CCNY: variants seen among roughly 807,000 people sequenced by gnomAD.
The protein encoded by CCNY is cyclin-Y.
CCNY carries 19 observed loss-of-function variants against 42.8 expected under a neutral mutation model. The ratio of observed to expected loss-of-function variants is 0.44; its 90% CI spans 0.31 to 0.65. The LOEUF (loss-of-function observed/expected upper bound fraction) is 0.65. CCNY is among the 30% of genes least tolerant of loss of function. The pLI, the probability that CCNY is intolerant of heterozygous loss-of-function variation, is 0.07. For synonymous variants in CCNY, 165 were observed against 162.7 expected (o/e 1.01, Z -0.11); for missense variants, 370 against 437.3 (o/e 0.85, Z 1.37).
intron 3 of CCNY, among the ~76,000 whole-genome samples, chr10:35,297,785 G>A (rs968066904): frequency 3.9e-5 from 6 of 152,128 alleles, no homozygotes; most frequent in Non-Finnish European, 8.8e-5. Context: ...GCTAACCAGC[G>A]AGGTGAAAGA....
intron 1 of CCNY, among the ~76,000 whole-genome samples, chr10:35,467,386 G>A (rs1367796095): frequency 2.6e-5 from 4 of 152,166 alleles, no homozygotes; most frequent in Admixed American, 2.6e-4. Context: ...CATTGTGTGG[G>A]ACACTGGTGT....
chr10:35,440,601 C>T (rs556528004), intron 1 of CCNY, among the ~76,000 whole-genome samples: 81 of 152,302 alleles, frequency 5.3e-4, no homozygotes, highest in African/African-American at 1.9e-3. Context: ...TTCTTCACTG[C>T]AGCGTATTCT....
At chr10:35,565,851 G>A (rs114483826) in intron 8 of CCNY, among the ~76,000 whole-genome samples, 172 bp from the exon 9 acceptor site, 48 of 152,352 alleles carry the variant, frequency 3.2e-4, no homozygotes, top group African/African-American at 1.1e-3. Flanking sequence ...ACCAGATCAA[G>A]TGGATTTGGC....
At chr10:35,311,023 A>G (rs1310284560) in intron 3 of CCNY, among the ~76,000 whole-genome samples, 1 of 147,960 alleles carries the variant, frequency 6.8e-6, no homozygotes, top group Non-Finnish European at 1.5e-5. Context: ...AAAACAAAAC[A>G]AGAGGATTGG....
intron 3 of CCNY, among the ~76,000 whole-genome samples, chr10:35,260,916 GC>G (rs776755998): frequency 1.3e-5 from 2 of 152,216 alleles, no homozygotes; most frequent in East Asian, 1.9e-4. Flanking sequence ...TTCAAAACCA[GC>G]CACGGCAACC....
intron 3 of CCNY, among the ~76,000 whole-genome samples, chr10:35,281,927 G>A (rs1213913957): frequency 6.6e-6 from 1 of 152,036 alleles, no homozygotes; most frequent in African/African-American, 2.4e-5. Context: ...AACAAGATCT[G>A]CATATTTCTT....
intron 7 of CCNY, among the ~76,000 whole-genome samples, chr10:35,547,401 C>T (rs1184998762): frequency 6.6e-6 from 1 of 152,140 alleles, no homozygotes; most frequent in Non-Finnish European, 1.5e-5. Context: ...CCACAAAGGC[C>T]TTTCCAGTGC....
chr10:35,387,239 C>T (rs1042853829), intron 1 of CCNY, among the ~76,000 whole-genome samples: 3 of 151,672 alleles, frequency 2.0e-5, no homozygotes, highest in African/African-American at 7.3e-5. Context: ...AAAAAAGTTA[C>T]TGCCAGTGAG....
chr10:35,436,991 G>A (rs3013365), intron 1 of CCNY, among the ~76,000 whole-genome samples: 8,072 of 152,250 alleles, frequency 0.053, 316 homozygotes, highest in African/African-American at 0.11. Context: ...GGCGGAAGGC[G>A]GAAGACATGT....
chr10:35,269,420 G>A (rs550994173), intron 3 of CCNY, among the ~76,000 whole-genome samples: 59 of 150,644 alleles, frequency 3.9e-4, no homozygotes, highest in Middle Eastern at 3.4e-3. Flanking sequence ...GGGTTCAAGC[G>A]ATTCTCCTGC....
At chr10:35,548,721 G>A (rs573393556) in intron 7 of CCNY, among the ~76,000 whole-genome samples, 40 of 151,822 alleles carry the variant, frequency 2.6e-4, no homozygotes, top group African/African-American at 9.4e-4. Context: ...CTGGGGCTGT[G>A]GAAGCGAAAG....
intron 2 of CCNY, among the ~76,000 whole-genome samples, chr10:35,484,103 CTT>C (rs1174716086): frequency 6.6e-6 from 1 of 152,170 alleles, no homozygotes; most frequent in Admixed American, 6.5e-5. Flanking sequence ...GAAGATAAAA[CTT>C]ATACAATGTG....
chr10:35,347,418 C>T (rs766883863), intron 1 of CCNY: 16 of 982,714 alleles, frequency 1.6e-5, no homozygotes, highest in Non-Finnish European at 1.9e-5. Flanking sequence ...TGATTATAGA[C>T]CTTCTGACTG....
At chr10:35,337,513 G>C (rs1182293104) in intron 1 of CCNY, among the ~76,000 whole-genome samples, 4 of 151,974 alleles carry the variant, frequency 2.6e-5, no homozygotes, top group Non-Finnish European at 5.9e-5. Context: ...TTAATGGAGC[G>C]GCCAGAGCTG....
At chr10:35,298,526 A>C (rs1051735566) in intron 3 of CCNY, among the ~76,000 whole-genome samples, 2 of 151,996 alleles carry the variant, frequency 1.3e-5, no homozygotes, top group Non-Finnish European at 2.9e-5. Flanking sequence ...TTTCTTTTTT[A>C]AAAAACAGAG....
intron 3 of CCNY, among the ~76,000 whole-genome samples, chr10:35,306,404 A>G (rs1259481076): frequency 6.6e-6 from 1 of 152,052 alleles, no homozygotes; most frequent in Non-Finnish European, 1.5e-5. Context: ...TTTGTACAAT[A>G]TTTCCATTTC....
intron 5 of CCNY, among the ~76,000 whole-genome samples, chr10:35,527,924 A>G (rs1037835825): frequency 5.9e-5 from 9 of 152,314 alleles, no homozygotes; most frequent in African/African-American, 1.9e-4. Flanking sequence ...AAGTAAGGAA[A>G]CAGTCTACTT....
chr10:35,433,122 A>T (rs1408619749), intron 1 of CCNY, among the ~76,000 whole-genome samples: 27 of 152,148 alleles, frequency 1.8e-4, no homozygotes, highest in Admixed American at 1.8e-3. Flanking sequence ...AGGTGGGAAG[A>T]TCCCTTGAAC....
upstream of CCNY, among the ~76,000 whole-genome samples, chr10:35,332,944 C>A (rs1421950196): frequency 6.6e-6 from 1 of 152,144 alleles, no homozygotes; most frequent in Admixed American, 6.5e-5. Flanking sequence ...TGACCAAATT[C>A]TTCAACAGTG....
Sources: gnomAD v4.1 joint callset for allele counts (sites outside exome capture counted in the v4.1 genomes callset) on GRCh38, gnomAD v4.1.1 for gene constraint, MANE v1.5 for transcripts, NCBI Gene and HGNC (gene_info 2026-07-23, HGNC 2026-07-21) for gene names.